Variants in RINT1 observed in about 807,000 individuals in gnomAD.
RINT1 encodes RAD50 interactor 1.
RINT1 carries 75 observed loss-of-function variants against 97.7 expected under a neutral mutation model. The observed-to-expected ratio is 0.77, with a 90% CI of 0.64 to 0.93. RINT1 has a LOEUF of 0.93. RINT1 is among the 40% of genes least tolerant of loss of function. The pLI is 0.00. For missense variants in RINT1, 892 were observed against 925.2 expected, an observed-to-expected ratio of 0.96 and a Z score of 0.47; for synonymous variants, 303 against 326.3, an observed-to-expected ratio of 0.93 and a Z score of 0.77.
chr7:105,545,053 T>C (rs1790603616), intron 4 of RINT1, among the ~76,000 whole-genome samples: 1 of 152,186 alleles, frequency 6.6e-6, no homozygotes, highest in African/African-American at 2.4e-5. Context: ...TACTATAGTA[T>C]AGCACTATCA....
At position 105,532,692 on chromosome 7, in the gene RINT1, C is replaced by T. The variant is rs1014328752; in HGVS notation, c.43-132C>T. On this transcript the variant is annotated intron_variant, in intron 1 of 14. Transcript: ENST00000257700. The stretch of plus-strand genomic sequence containing the variant: ...ACTTTGAGGTACCTGATTCGGACGG[C>T]CCTGGTCGCTCAGAAAGTGGGAGAG... 4 of 966,492 alleles carry T rather than the reference C, an allele frequency of 4.1e-6. No homozygotes were observed. In the East Asian group the frequency reaches 9.5e-5, roughly 23 times the overall value. The allele number at this position is 966,492 out of a possible 1,614,324, so 59.9% of individuals were successfully genotyped here.
intron 10 of RINT1, among the ~76,000 whole-genome samples, chr7:105,552,462 G>A (rs1163515806): frequency 6.6e-6 from 1 of 152,018 alleles, no homozygotes; most frequent in Non-Finnish European, 1.5e-5. Flanking sequence ...TGGCTGGAGG[G>A]TAGCCTAGCA....
At position 105,567,220 on chromosome 7, in the gene RINT1, C is replaced by T. The variant is rs1450417616; in HGVS notation, c.2288C>T (p.Ala763Val). 10 of 1,613,268 alleles carry T rather than the reference C, an allele frequency of 6.2e-6. No individual in the cohort carries two copies. The highest frequency in any genetic ancestry group is 8.5e-6 in the Non-Finnish European group (10 of 1,179,726). The change falls in exon 15 of 15, where the codon GCA (alanine) becomes GTA (valine). Residue 763 changes from alanine to valine, a missense_variant. Ala to Val is a moderately conservative substitution (Grantham distance 64, BLOSUM62 0). Coordinates refer to ENST00000257700, the MANE Select transcript of RINT1 (RefSeq NM_021930.6). ...TCAGGGCAGCTTCCTGCCACAGCAG[C>T]ATTAAATGAAGTTGGAATTTACAAA... is the stretch of plus-strand genomic sequence containing the variant. Reference protein sequence around the residue: ...SASGQLPATAALNEVGIYKLA... With the variant: ...SASGQLPATAVLNEVGIYKLA...
rs936283251 is a variant in RINT1 at position 105,551,806 on chromosome 7, C to T, written c.1471+99C>T. 9.2e-6 allele frequency: 9 copies of T among 978,828 alleles called. No homozygotes were observed. The Admixed American group carries it at 1.6e-4, about 17-fold the overall frequency. 60.6% of individuals were successfully genotyped at this position (978,828 alleles called of 1,614,324 possible). Reference sequence around the variant, plus strand: ...GTAGGCTGGGTGCAGTGGCTCATGCCTGTAATCCTAGCACTTTGAGAGGCT... The same window carrying T: ...GTAGGCTGGGTGCAGTGGCTCATGCTTGTAATCCTAGCACTTTGAGAGGCT... On this transcript the variant is annotated intron_variant, in intron 10 of 14. Coordinates refer to ENST00000257700, the MANE Select transcript of RINT1 (RefSeq NM_021930.6).
chr7:105,540,611 T>G (rs943828623), intron 3 of RINT1, among the ~76,000 whole-genome samples: 1 of 152,124 alleles, frequency 6.6e-6, no homozygotes, highest in Admixed American at 6.6e-5. Flanking sequence ...TTGGCTAGGC[T>G]GGTCTCGAAC....
chr7:105,550,339 A>G lies in RINT1; in HGVS notation c.1186A>G (p.Asn396Asp), dbSNP rs746036616. Reference protein sequence around the residue: ...TDIPCLLYDDNLFCHLVDEVL... With the variant: ...TDIPCLLYDDDLFCHLVDEVL... Reference sequence around the variant, plus strand: ...TATTCCTTGTCTGCTATATGATGACAATCTCTTCTGTCATTTGGTGGATGA... The same window carrying G: ...TATTCCTTGTCTGCTATATGATGACGATCTCTTCTGTCATTTGGTGGATGA... Residue 396 changes from asparagine to aspartate, a missense_variant, in exon 9 of 15, where the codon AAT becomes GAT. By Grantham distance (23) the Asn-to-Asp change is conservative. Transcript: ENST00000257700. 6.2e-7 allele frequency: 1 copy of G among 1,614,134 alleles called. No homozygotes were observed. The highest frequency in any genetic ancestry group is 1.1e-5 in the South Asian group (1 of 91,086).
Position 105,563,957 on chromosome 7 carries a change from C to T in RINT1, c.1886+10C>T, listed in dbSNP as rs753449576. Reference sequence around the variant, plus strand: ...TGTATAAAAAAGAAAGGTATGTCCTCTATGTAAGTCAGCTCTTAACACCAG... The same window carrying T: ...TGTATAAAAAAGAAAGGTATGTCCTTTATGTAAGTCAGCTCTTAACACCAG... On this transcript the variant is annotated intron_variant, in intron 12 of 14. Transcript: ENST00000257700. The T allele has an allele frequency of 3.8e-6, 6 of 1,591,058 alleles. No individual in the cohort carries two copies. The highest frequency in any genetic ancestry group is 2.2e-5 in the East Asian group (1 of 44,780).
chr7:105,547,084 G>T lies in RINT1; in HGVS notation c.689+1G>T, dbSNP rs1790698966. The T allele has an allele frequency of 1.9e-6, 3 of 1,613,554 alleles. No individual in the cohort carries two copies. Among genetic ancestry groups the T allele is most frequent in the South Asian group, 2.2e-5 (2 of 90,974 alleles). ...AAATTCTCAAGGACAAGCTTACAAG[G>T]TAGGGAATTTACCCATATTTTGTGG... On this transcript the variant is annotated splice_donor_variant, in intron 5 of 14. Coordinates refer to ENST00000257700, the MANE Select transcript of RINT1 (RefSeq NM_021930.6). LOFTEE classifies it high-confidence loss of function.
rs192927221 is a variant in RINT1 at position 105,533,130 on chromosome 7, A to G, written c.88+261A>G. Among the ~76,000 whole-genome samples, 350 of 152,334 alleles carry G rather than the reference A, an allele frequency of 2.3e-3. 4 individuals carry two copies. Among genetic ancestry groups the G allele is most frequent in the African/African-American group, 7.8e-3 (323 of 41,588 alleles). Reference sequence around the variant, plus strand: ...GAGTGTTTTCGCTGGAAGTCTGCCTATCATACAGTACTCAGAATAATTGGG... The same window carrying G: ...GAGTGTTTTCGCTGGAAGTCTGCCTGTCATACAGTACTCAGAATAATTGGG... On this transcript the variant is annotated intron_variant, in intron 2 of 14. Transcript: ENST00000257700.
chr7:105,559,164 G>A (rs1295597064), intron 11 of RINT1, among the ~76,000 whole-genome samples: 2 of 152,116 alleles, frequency 1.3e-5, no homozygotes, highest in Non-Finnish European at 2.9e-5. Flanking sequence ...GGAGGCCAAG[G>A]TGGGTGGATC....
In RINT1 at chr7:105,532,856, C is replaced by T. The variant is rs754808416; in HGVS notation, c.75C>T (p.Asn25=). Residue 25 remains asparagine, a synonymous_variant, in exon 2 of 15, where the codon AAC becomes AAT. Coordinates refer to ENST00000257700, the MANE Select transcript of RINT1 (RefSeq NM_021930.6). ...CTGAAAGTGGTGACGAAAGGAAGAA[C>T]CTCGAGGAGAAAAGTAAGCCAGCTC... ...CCSESGDERK[N]LEEKSDINVT... is the part of the protein sequence containing the mutation. The T allele has an allele frequency of 3.7e-6, 6 of 1,614,038 alleles. No individual in the cohort carries two copies. The East Asian group carries it at 1.3e-4, about 36-fold the overall frequency.
intron 4 of RINT1, among the ~76,000 whole-genome samples, chr7:105,543,602 T>G: frequency 6.6e-6 from 1 of 152,190 alleles, no homozygotes; most frequent in East Asian, 1.9e-4. Context: ...GCTGCAGAGC[T>G]GTCAGCAACC....
chr7:105,567,146 T>G lies in RINT1; in HGVS notation c.2214T>G (p.Asn738Lys). ...TAAAAGAAGCCTGTATTGTTTTGAATTTGAACGTCGGTTCTGCACTACTGC... is the reference window on the plus strand; with the variant it reads ...TAAAAGAAGCCTGTATTGTTTTGAAGTTGAACGTCGGTTCTGCACTACTGC... ...KHIKEACIVL[N>K]LNVGSALLLK... The change falls in exon 15 of 15, where the codon AAT becomes AAG. Residue 738 changes from asparagine (N) to lysine (K), a missense_variant. By Grantham distance (94) the Asn-to-Lys change is moderately conservative. Transcript: ENST00000257700. 1 of 1,581,018 alleles carries G rather than the reference T, an allele frequency of 6.3e-7. No individual in the cohort carries two copies. Among genetic ancestry groups the G allele is most frequent in the African/African-American group, 1.4e-5 (1 of 73,298 alleles).
At position 105,542,476 on chromosome 7, in the gene RINT1, G is replaced by T. The variant is rs754465806; in HGVS notation, c.342G>T (p.Lys114Asn). The change falls in exon 4 of 15, where the codon AAG becomes AAT. Residue 114 changes from lysine (K) to asparagine (N), a missense_variant. Lys to Asn is a moderately conservative substitution (Grantham distance 94). Transcript: ENST00000257700. Reference protein sequence around the residue: ...RSALKNAEESKQFLNQFLEQE... With the variant: ...RSALKNAEESNQFLNQFLEQE... ...CCTTAAAAAATGCAGAAGAATCAAA[G>T]CAATTTCTTAATCAGTTTCTGGAGC... The T allele has an allele frequency of 6.2e-7, 1 of 1,613,832 alleles. No individual in the cohort carries two copies. The highest frequency in any genetic ancestry group is 1.1e-5 in the South Asian group (1 of 91,022).
chr7:105,543,437 G>A (rs1790540832), intron 4 of RINT1, among the ~76,000 whole-genome samples: 1 of 152,170 alleles, frequency 6.6e-6, no homozygotes, highest in South Asian at 2.1e-4. Flanking sequence ...AAAAAAGGAA[G>A]TAAGGCTTGA....
In RINT1 at chr7:105,563,718, T is replaced by A. The variant is rs1032449812; in HGVS notation, c.1672-15T>A. 6 of 1,597,606 alleles carry A rather than the reference T, an allele frequency of 3.8e-6. No homozygotes were observed. The highest frequency in any genetic ancestry group is 2.2e-5 in the East Asian group (1 of 44,758). ...AAAAAAGTATGCTAATGTGTTAACATGTTTTTGCTTTCAGTTCTTTCTACA... is the reference window on the plus strand; with the variant it reads ...AAAAAAGTATGCTAATGTGTTAACAAGTTTTTGCTTTCAGTTCTTTCTACA... On this transcript the variant is annotated splice_polypyrimidine_tract_variant and intron_variant, in intron 11 of 14. Coordinates refer to ENST00000257700, the MANE Select transcript of RINT1 (RefSeq NM_021930.6).
At position 105,563,872 on chromosome 7, in the gene RINT1, A is replaced by T. The variant is rs765992166; in HGVS notation, c.1811A>T (p.His604Leu). The T allele has an allele frequency of 6.2e-7, 1 of 1,614,174 alleles. No individual in the cohort carries two copies. Among genetic ancestry groups the T allele is most frequent in the Non-Finnish European group, 8.5e-7 (1 of 1,180,020 alleles). ...DMINLLERLKHDMLTRQVDHV... is the reference protein window; with the variant it reads ...DMINLLERLKLDMLTRQVDHV... ...ATTAACCTCTTAGAACGTTTAAAGC[A>T]TGATATGTTGACCCGTCAAGTAGAC... Residue 604 changes from histidine (H) to leucine (L), a missense_variant, in exon 12 of 15, where the codon CAT becomes CTT. Physicochemically the swap from His to Leu is moderately conservative, Grantham distance 99. Coordinates refer to ENST00000257700, the MANE Select transcript of RINT1 (RefSeq NM_021930.6).
rs987756506 is a variant in RINT1 at position 105,563,876 on chromosome 7, T to C, written c.1815T>C (p.Asp605=). The C allele has an allele frequency of 4.3e-6, 7 of 1,614,028 alleles. No individual in the cohort carries two copies. Among genetic ancestry groups the C allele is most frequent in the Non-Finnish European group, 5.9e-6 (7 of 1,180,036 alleles). ...MINLLERLKH[D]MLTRQVDHVF... ...ACCTCTTAGAACGTTTAAAGCATGA[T>C]ATGTTGACCCGTCAAGTAGACCACG... The change falls in exon 12 of 15, where the codon GAT becomes GAC. Residue 605 remains aspartate, a synonymous_variant. Transcript: ENST00000257700.
chr7:105,535,601 G>A (rs1269634633), intron 2 of RINT1: 1 of 454,362 alleles, frequency 2.2e-6, no homozygotes, highest in Non-Finnish European at 4.4e-6. Flanking sequence ...TGTCCAGGCT[G>A]GAATGTAGTA....
Sources: allele counts gnomAD v4.1 joint callset (sites outside exome capture counted in the v4.1 genomes callset), GRCh38; gene constraint gnomAD v4.1.1; transcripts MANE v1.5; gene names NCBI Gene and HGNC (gene_info 2026-07-23, HGNC 2026-07-21).